The following ADAMTS20 variants were observed in gnomAD, a reference collection of about 807,000 sequenced individuals.
The protein encoded by ADAMTS20 is A disintegrin and metalloproteinase with thrombospondin motifs 20.
In ADAMTS20, 225 loss-of-function variants were observed where a neutral mutation model predicts 260.1. That is an observed-to-expected ratio of 0.87 (90% CI 0.78 to 0.97). The LOEUF (loss-of-function observed/expected upper bound fraction) is 0.97, where lower values mean the gene tolerates loss of function less well. Ranked by LOEUF, ADAMTS20 falls within the 50% of genes least tolerant of loss-of-function variation. ADAMTS20 has a pLI of 0.00. For synonymous variants in ADAMTS20, 802 were observed against 769.5 expected (o/e 1.04, Z -0.70); for missense variants, 2,400 against 2,337.7 (o/e 1.03, Z -0.55).
rs533084423 is a variant in ADAMTS20 at position 43,470,736 on chromosome 12, C to T, written c.1118-2031G>A. Among the ~76,000 whole-genome samples the T allele has an allele frequency of 4.6e-5, 7 of 152,100 alleles. 1 individual carries two copies. The South Asian group carries it at 8.3e-4, about 18-fold the overall frequency. ...GGTCAGGGACTGAGGCAACAATAAA[C>T]GTAAATGGAGATATAACAGAAAATC... On this transcript the variant is annotated intron_variant, in intron 7 of 38. Transcript: ENST00000389420.
intron 7 of ADAMTS20, among the ~76,000 whole-genome samples, chr12:43,489,022 G>A (rs932584551): frequency 2.6e-5 from 4 of 151,886 alleles, no homozygotes; most frequent in African/African-American, 9.7e-5. Context: ...TACAGTTTTG[G>A]TGCTTAATAA....
chr12:43,535,239 ACTAT>A (rs1305973889), intron 2 of ADAMTS20, among the ~76,000 whole-genome samples: 3 of 152,208 alleles, frequency 2.0e-5, no homozygotes, highest in Non-Finnish European at 4.4e-5. Context: ...TGCTGAAGAG[ACTAT>A]CTGAGATCTA....
chr12:43,468,131 T>A (rs768467096), intron 8 of ADAMTS20, among the ~76,000 whole-genome samples: 7 of 152,128 alleles, frequency 4.6e-5, no homozygotes, highest in Non-Finnish European at 1.0e-4. Context: ...AAAAAGTGAA[T>A]ACTTTAAAAA....
chr12:43,378,489 T>G (rs1940278235), intron 31 of ADAMTS20, among the ~76,000 whole-genome samples: 1 of 152,200 alleles, frequency 6.6e-6, no homozygotes, highest in Non-Finnish European at 1.5e-5. Context: ...AAAAGGGTCT[T>G]GCCACAGTAG....
chr12:43,375,625 C>A, intron 35 of ADAMTS20, 113 bp from the exon 36 acceptor site: 1 of 1,197,888 alleles, frequency 8.3e-7, no homozygotes, highest in South Asian at 1.4e-5. Context: ...ATTATAGTGT[C>A]AACAAGTTAA....
At chr12:43,520,148 G>C (rs555301608) in intron 3 of ADAMTS20, among the ~76,000 whole-genome samples, 6 of 152,256 alleles carry the variant, frequency 3.9e-5, no homozygotes, top group African/African-American at 1.4e-4. Context: ...GGTGAAGAGA[G>C]AGGTAAAAGA....
intron 7 of ADAMTS20, among the ~76,000 whole-genome samples, chr12:43,487,912 C>T (rs948768412): frequency 1.3e-5 from 2 of 152,018 alleles, no homozygotes; most frequent in Admixed American, 6.6e-5. Flanking sequence ...GTTGCAGACT[C>T]AAGTGCATAC....
intron 3 of ADAMTS20, among the ~76,000 whole-genome samples, chr12:43,529,462 C>T (rs1015689615): frequency 6.6e-6 from 1 of 152,128 alleles, no homozygotes; most frequent in African/African-American, 2.4e-5. Context: ...CCATGGAATA[C>T]TACTCAGCCA....
At chr12:43,522,093 T>C (rs141822294) in intron 3 of ADAMTS20, among the ~76,000 whole-genome samples, 3,609 of 152,230 alleles carry the variant, frequency 0.024, 66 homozygotes, top group East Asian at 0.08. Context: ...GCTGGGTAAT[T>C]TATAAAGGAA....
chr12:43,489,514 C>T (rs1942571191), intron 7 of ADAMTS20, among the ~76,000 whole-genome samples: 1 of 151,454 alleles, frequency 6.6e-6, no homozygotes, highest in Non-Finnish European at 1.5e-5. Flanking sequence ...AATTCATTAG[C>T]AATCAGTGAA....
chr12:43,430,877 A>G (rs955250895), intron 22 of ADAMTS20, among the ~76,000 whole-genome samples: 11 of 152,222 alleles, frequency 7.2e-5, no homozygotes, highest in African/African-American at 2.7e-4. Flanking sequence ...TAAAGGGAAA[A>G]TGAGAGAAGG....
intron 27 of ADAMTS20, 85 bp downstream of exon 27, chr12:43,427,223 G>T: frequency 7.0e-7 from 1 of 1,428,308 alleles, no homozygotes; most frequent in South Asian, 1.4e-5. Flanking sequence ...AGTGAAATCA[G>T]ATTATTGAAC....
chr12:43,377,443 C>A lies in ADAMTS20; in HGVS notation c.4917G>T (p.Val1639=). 1.2e-6 allele frequency: 2 copies of A among 1,613,466 alleles called. No homozygotes were observed. The highest frequency in any genetic ancestry group is 3.3e-5 in the Admixed American group (2 of 59,914). The part of the protein sequence containing the change: ...LRPIVYQECP[V]VPSSQVYQCI... Reference sequence around the variant, plus strand: ...ATTGGTAAACCTGAGAGGAAGGCACCACAGGGCATTCTTGATAAACTATAG... The same window carrying A: ...ATTGGTAAACCTGAGAGGAAGGCACAACAGGGCATTCTTGATAAACTATAG... Residue 1639 remains valine (V), a synonymous_variant, in exon 32 of 39, where the codon GTG becomes GTT. Transcript: ENST00000389420.
At chr12:43,359,608 C>T (rs1341606118) in intron 37 of ADAMTS20, among the ~76,000 whole-genome samples, 2 of 152,124 alleles carry the variant, frequency 1.3e-5, no homozygotes, top group African/African-American at 4.8e-5. Context: ...TATCGTAAAG[C>T]TATCCTAATC....
chr12:43,548,625 C>A (rs914133015), intron 2 of ADAMTS20, among the ~76,000 whole-genome samples: 2 of 151,900 alleles, frequency 1.3e-5, no homozygotes, highest in African/African-American at 4.8e-5. Context: ...AGCTAATATC[C>A]GTTTTAGTGC....
At chr12:43,416,140 T>C (rs1941124869) in intron 28 of ADAMTS20, among the ~76,000 whole-genome samples, 1 of 152,212 alleles carries the variant, frequency 6.6e-6, no homozygotes, top group Admixed American at 6.5e-5. Flanking sequence ...TGGCTTATTC[T>C]ACTCTACCTA....
At chr12:43,460,306 T>C (rs1184698995) in intron 11 of ADAMTS20, among the ~76,000 whole-genome samples, 1 of 152,134 alleles carries the variant, frequency 6.6e-6, no homozygotes, top group African/African-American at 2.4e-5. Flanking sequence ...ATTGGGAAAA[T>C]ATTCAAATGG....
chr12:43,535,417 T>A (rs1200976053), intron 2 of ADAMTS20, among the ~76,000 whole-genome samples: 1 of 151,996 alleles, frequency 6.6e-6, no homozygotes, highest in Non-Finnish European at 1.5e-5. Flanking sequence ...GTCAGAGGAG[T>A]CCATAAACTT....
At chr12:43,355,180 T>C (rs1939718167) in intron 38 of ADAMTS20, among the ~76,000 whole-genome samples, 1 of 152,230 alleles carries the variant, frequency 6.6e-6, no homozygotes. Flanking sequence ...CTTCTCTTTC[T>C]AAAGCAATTT....
Sources: allele counts gnomAD v4.1 joint callset (sites outside exome capture counted in the v4.1 genomes callset), GRCh38; gene constraint gnomAD v4.1.1; transcripts MANE v1.5; gene names NCBI Gene and HGNC (gene_info 2026-07-23, HGNC 2026-07-21).